BANP: variants seen among roughly 807,000 people sequenced by gnomAD.
The protein encoded by BANP is protein BANP.
Under a neutral mutation model 68.1 loss-of-function variants are expected in BANP, and 11 were observed. That is an observed-to-expected ratio of 0.16 (90% CI 0.10 to 0.27). The LOEUF is 0.27. Ranked by LOEUF, BANP falls within the 10% of genes least tolerant of loss-of-function variation. The pLI is 1.00. For synonymous variants in BANP, 329 were observed against 303.2 expected (o/e 1.09, Z -0.88); for missense variants, 504 against 722.7 (o/e 0.70, Z 3.47).
At chr16:88,011,183 C>G (rs1311627860) in intron 6 of BANP, among the ~76,000 whole-genome samples, 2 of 152,158 alleles carry the variant, frequency 1.3e-5, no homozygotes, top group African/African-American at 4.8e-5. Flanking sequence ...CGTTGAGTTT[C>G]CGGATACACA....
intron 1 of BANP, among the ~76,000 whole-genome samples, chr16:87,972,908 G>C (rs1190413270): frequency 6.6e-6 from 1 of 152,114 alleles, no homozygotes; most frequent in Non-Finnish European, 1.5e-5. Context: ...AGCCCTGCAG[G>C]CCCCTGTGTG....
intron 6 of BANP, among the ~76,000 whole-genome samples, chr16:88,016,089 G>A (rs149354495): frequency 1.0e-3 from 153 of 152,334 alleles, no homozygotes; most frequent in African/African-American, 3.3e-3. Flanking sequence ...AGGCCCCAAG[G>A]CAGAACATTT....
chr16:87,978,945 T>G (rs1181885430), intron 2 of BANP, among the ~76,000 whole-genome samples: 1 of 152,200 alleles, frequency 6.6e-6, no homozygotes, highest in South Asian at 2.1e-4. Flanking sequence ...TTGTCTAAAA[T>G]TGACTACAAA....
intron 8 of BANP, among the ~76,000 whole-genome samples, chr16:88,031,667 A>G (rs529866509): frequency 6.6e-6 from 1 of 151,846 alleles, no homozygotes; most frequent in Non-Finnish European, 1.5e-5. Context: ...AAAAAAAGAA[A>G]CCCAACATTT....
At chr16:88,040,854 C>T (rs546690592) in intron 11 of BANP, among the ~76,000 whole-genome samples, 56 of 152,352 alleles carry the variant, frequency 3.7e-4, no homozygotes, top group African/African-American at 1.3e-3. Flanking sequence ...AAGAAATGGA[C>T]GCGGCTGTTT....
At chr16:88,033,002 T>C in intron 8 of BANP, 107 bp from the exon 9 acceptor site, 2 of 1,247,520 alleles carry the variant, frequency 1.6e-6, no homozygotes, top group Non-Finnish European at 1.1e-6. Flanking sequence ...CATTTCCTCT[T>C]CTCTGCTGTG....
chr16:87,985,185 C>T (rs541300580), intron 4 of BANP, among the ~76,000 whole-genome samples: 1 of 152,302 alleles, frequency 6.6e-6, no homozygotes, highest in East Asian at 1.9e-4. Context: ...AGTCTGGGGG[C>T]AGCTCCACAT....
chr16:88,018,900 AT>A lies in BANP; in HGVS notation c.895+234del, dbSNP rs1335564678. Among the ~76,000 whole-genome samples the A allele has an allele frequency of 6.6e-6, 1 of 152,126 alleles. No homozygotes were observed. The highest frequency in any genetic ancestry group is 1.5e-5 in the Non-Finnish European group (1 of 68,016). On this transcript the variant is annotated intron_variant, in intron 7 of 13. Transcript: ENST00000682872. This position sits in a 1 kb window ranked among gnomAD's most constrained non-coding sequence, Gnocchi z 7.7. ...CAAAATACCTCATATACCCCATCATATATATACCTACTGTGTACCCTTAGAA... is the reference window on the plus strand; with the variant it reads ...CAAAATACCTCATATACCCCATCATAATATACCTACTGTGTACCCTTAGAA...
intron 7 of BANP, among the ~76,000 whole-genome samples, chr16:88,026,654 T>C (rs2077053087): frequency 6.6e-6 from 1 of 152,260 alleles, no homozygotes; most frequent in African/African-American, 2.4e-5. Context: ...AAACTGTGTT[T>C]GTGAGGGGGA....
chr16:88,037,784 A>C, intron 10 of BANP, 189 bp from the exon 11 acceptor site: 1 of 617,024 alleles, frequency 1.6e-6, no homozygotes, highest in Non-Finnish European at 2.9e-6. Flanking sequence ...TTAAAATAAT[A>C]AATAGTACCT....
chr16:88,048,070 TTGTG>T (rs2082406610), intron 11 of BANP, among the ~76,000 whole-genome samples: 1 of 152,236 alleles, frequency 6.6e-6, no homozygotes, highest in Non-Finnish European at 1.5e-5. Flanking sequence ...GCCCTCTGAC[TTGTG>T]TGGCTTCCGC....
intron 1 of BANP, among the ~76,000 whole-genome samples, chr16:87,969,410 C>T (rs2060705306): frequency 6.6e-6 from 1 of 152,084 alleles, no homozygotes; most frequent in Non-Finnish European, 1.5e-5. Context: ...AGCAAAAGCG[C>T]AACAGCCATG....
intron 2 of BANP, among the ~76,000 whole-genome samples, chr16:87,977,715 AAAAG>A (rs1173347593): frequency 6.6e-6 from 1 of 152,248 alleles, no homozygotes; most frequent in Non-Finnish European, 1.5e-5. Flanking sequence ...ATTTTTATTT[AAAAG>A]AAAGACTTCT....
At position 88,076,619 on chromosome 16, in the gene BANP, G is replaced by T; in HGVS notation, c.1551G>T (p.Gln517His). ...CCGAAGCCCTGCAGCCCACGCTACA[G>T]CCGGAGATGCAGCTCGAGCACGGGG... ...QTAEALQPTL[Q>H]PEMQLEHGAI... Residue 517 changes from glutamine to histidine, a missense_variant, in exon 14 of 14, where the codon CAG becomes CAT. Around this residue, in one of 3 missense-constraint regions of BANP, gnomAD observed 223 missense variants for 246.2 expected, o/e 0.91. Transcript: ENST00000682872. The T allele has an allele frequency of 3.1e-6, 5 of 1,611,980 alleles. No homozygotes were observed. The highest frequency in any genetic ancestry group is 4.2e-6 in the Non-Finnish European group (5 of 1,179,740).
At chr16:88,007,458 C>T (rs1160374017) in intron 6 of BANP, among the ~76,000 whole-genome samples, 1 of 152,210 alleles carries the variant, frequency 6.6e-6, no homozygotes, top group Non-Finnish European at 1.5e-5. Flanking sequence ...TCGGCCTGCC[C>T]AGTGTGCCTT....
chr16:88,072,235 G>T (rs759289165), intron 13 of BANP, 23 bp downstream of exon 13: 2 of 1,587,682 alleles, frequency 1.3e-6, no homozygotes, highest in East Asian at 2.2e-5. Context: ...CCCCGCGCCG[G>T]GACACTGAAG....
rs62046926 is a variant in BANP, at chr16:88,072,035, C to T, written c.1378-34C>T. On this transcript the variant is annotated intron_variant, in intron 12 of 13. Coordinates refer to ENST00000682872, the MANE Select transcript of BANP (RefSeq NM_001386991.1). ...GTTGTGGGTTGTGGGTTGTGGGCCA[C>T]GCCGCTGACGGGCCCCCGTGTGTCT... The T allele has an allele frequency of 2.0e-5, 31 of 1,545,392 alleles. No homozygotes were observed. The Admixed American group carries it at 2.7e-4, about 14-fold the overall frequency.
intron 4 of BANP, among the ~76,000 whole-genome samples, chr16:87,985,896 A>G (rs1486506076): frequency 6.6e-6 from 1 of 152,260 alleles, no homozygotes; most frequent in Non-Finnish European, 1.5e-5. Flanking sequence ...TGGAAAATTC[A>G]AGTCATAGTA....
chr16:87,998,683 G>A (rs1402499336), intron 4 of BANP, among the ~76,000 whole-genome samples: 1 of 147,202 alleles, frequency 6.8e-6, no homozygotes, highest in Non-Finnish European at 1.5e-5. Flanking sequence ...CACGTGCGCG[G>A]CTGGACTTAC....
Sources: gnomAD v4.1 joint callset for allele counts (sites outside exome capture counted in the v4.1 genomes callset) on GRCh38, gnomAD v4.1.1 for gene constraint, gnomAD v4.1.1 regional missense constraint, Gnocchi (gnomAD v3.1) non-coding constraint, MANE v1.5 for transcripts, NCBI Gene and HGNC (gene_info 2026-07-23, HGNC 2026-07-21) for gene names.